Variants in SUGCT observed in about 807,000 individuals in gnomAD.
SUGCT encodes the protein succinyl-CoA:glutarate-CoA transferase.
SUGCT carries 41 observed loss-of-function variants against 55.0 expected under a neutral mutation model. That is an observed-to-expected ratio of 0.74 (90% CI 0.58 to 0.97). The LOEUF (loss-of-function observed/expected upper bound fraction) is 0.97, where lower values mean the gene tolerates loss of function less well. Ranked by LOEUF, SUGCT falls within the 50% of genes least tolerant of loss-of-function variation. The pLI is 0.00. For missense variants in SUGCT, 568 were observed against 547.8 expected (o/e 1.04, Z -0.37); for synonymous variants, 187 against 200.4 (o/e 0.93, Z 0.56).
At position 40,250,994 on chromosome 7, in the gene SUGCT, G is replaced by T. The variant is rs188968484; in HGVS notation, c.576+13268G>T. 1.7e-3 allele frequency among the ~76,000 whole-genome samples: 246 copies of T among 146,602 alleles called. 1 individual carries two copies. Among genetic ancestry groups the T allele is most frequent in the African/African-American group, 5.8e-3 (237 of 41,156 alleles). On this transcript the variant is annotated intron_variant, in intron 7 of 13. Transcript: ENST00000335693. ...TGGGATTACAGGCCCCTGCCACTGCGCCTAATTTTTGTTTTAGTGGAGACG... is the reference window on the plus strand; with the variant it reads ...TGGGATTACAGGCCCCTGCCACTGCTCCTAATTTTTGTTTTAGTGGAGACG...
intron 7 of SUGCT, among the ~76,000 whole-genome samples, chr7:40,252,088 T>A (rs1401971255): frequency 6.6e-6 from 1 of 152,184 alleles, no homozygotes; most frequent in Non-Finnish European, 1.5e-5. Flanking sequence ...AACATTTTAT[T>A]TGTTAAAATT....
the SUGCT span, among the ~76,000 whole-genome samples, chr7:40,928,756 T>C: frequency 2.6e-5 from 4 of 151,886 alleles, no homozygotes; most frequent in Non-Finnish European, 5.9e-5. Context: ...CGCACCACCA[T>C]GACCAGCTAA....
intron 13 of SUGCT, among the ~76,000 whole-genome samples, chr7:40,767,698 A>G (rs1386698658): frequency 6.6e-6 from 1 of 152,236 alleles, no homozygotes; most frequent in Non-Finnish European, 1.5e-5. Flanking sequence ...GACAAAACAC[A>G]CAGAGATCGT....
At chr7:40,182,639 G>A (rs990176776) in intron 3 of SUGCT, among the ~76,000 whole-genome samples, 3 of 152,048 alleles carry the variant, frequency 2.0e-5, no homozygotes, top group African/African-American at 4.8e-5. Context: ...CTACAGTGCC[G>A]GGGCAAAGTT....
At chr7:40,605,045 C>T (rs896607611) in intron 12 of SUGCT, among the ~76,000 whole-genome samples, 6 of 152,320 alleles carry the variant, frequency 3.9e-5, no homozygotes, top group Middle Eastern at 3.4e-3. Flanking sequence ...GAGCAGCACA[C>T]GCGTCCGCCT....
intron 12 of SUGCT, among the ~76,000 whole-genome samples, chr7:40,730,167 G>A (rs189101668): frequency 2.6e-4 from 40 of 152,306 alleles, no homozygotes; most frequent in South Asian, 2.1e-3. Context: ...GAGTGCAATC[G>A]CATGATCTTG....
At chr7:40,956,802 A>G in the SUGCT span, among the ~76,000 whole-genome samples, 1 of 152,138 alleles carries the variant, frequency 6.6e-6, no homozygotes, top group Non-Finnish European at 1.5e-5. Flanking sequence ...TGTCCCAGAA[A>G]TTCTGGTACA....
chr7:40,482,261 C>G (rs1462390337), intron 11 of SUGCT, among the ~76,000 whole-genome samples: 2 of 152,106 alleles, frequency 1.3e-5, no homozygotes, highest in African/African-American at 2.4e-5. Context: ...TAGTAGGTAA[C>G]TATTTCTGGA....
At chr7:40,969,141 C>T in the SUGCT span, among the ~76,000 whole-genome samples, 8 of 152,332 alleles carry the variant, frequency 5.3e-5, no homozygotes, top group African/African-American at 7.2e-5. Flanking sequence ...CCACTGCTTC[C>T]GATTATTCCA....
chr7:40,473,914 A>T (rs1052204593), intron 11 of SUGCT, among the ~76,000 whole-genome samples: 1 of 151,978 alleles, frequency 6.6e-6, no homozygotes, highest in Non-Finnish European at 1.5e-5. Flanking sequence ...ATAGTGATTA[A>T]ATGTAAAATT....
chr7:40,966,722 T>C, the SUGCT span: 1 of 152,178 alleles, frequency 6.6e-6, no homozygotes, highest in African/African-American at 2.4e-5. Context: ...AAGAGTTGTC[T>C]AAAGGTTAAG....
chr7:40,473,623 T>A (rs1790511618), intron 11 of SUGCT, among the ~76,000 whole-genome samples: 1 of 151,782 alleles, frequency 6.6e-6, no homozygotes, highest in African/African-American at 2.4e-5. Flanking sequence ...GATCCACAAA[T>A]GCACTAGGAG....
chr7:40,475,494 G>A (rs1313771724), intron 11 of SUGCT, among the ~76,000 whole-genome samples: 1 of 152,126 alleles, frequency 6.6e-6, no homozygotes. Context: ...TTAAAACCAA[G>A]CAAAATAGAA....
At chr7:40,804,304 C>T (rs938558303) in intron 13 of SUGCT, among the ~76,000 whole-genome samples, 1 of 151,804 alleles carries the variant, frequency 6.6e-6, no homozygotes, top group African/African-American at 2.4e-5. Context: ...TTTATTTTTC[C>T]CTCTTCAGGT....
At chr7:40,863,769 T>C (rs1794533964), downstream of SUGCT, among the ~76,000 whole-genome samples, 1 of 152,138 alleles carries the variant, frequency 6.6e-6, no homozygotes, top group Non-Finnish European at 1.5e-5. Flanking sequence ...ATGGAATTCT[T>C]GAGGTACAAC....
intron 13 of SUGCT, among the ~76,000 whole-genome samples, chr7:40,765,623 T>C (rs1294863968): frequency 6.6e-6 from 1 of 152,218 alleles, no homozygotes; most frequent in Non-Finnish European, 1.5e-5. Context: ...TCTAAACCAA[T>C]ATAAATTGCC....
chr7:40,509,645 G>A (rs566093750), intron 12 of SUGCT, among the ~76,000 whole-genome samples: 1 of 152,090 alleles, frequency 6.6e-6, no homozygotes, highest in South Asian at 2.1e-4. Flanking sequence ...GAACTAAAAG[G>A]CTTCTCCTGG....
intron 7 of SUGCT, among the ~76,000 whole-genome samples, chr7:40,257,510 A>T (rs1386665963): frequency 6.6e-6 from 1 of 152,222 alleles, no homozygotes; most frequent in Non-Finnish European, 1.5e-5. Flanking sequence ...GCTTCTTTTT[A>T]AAAAGTAAAC....
At chr7:40,823,305 T>TGACC (rs1792123470) in intron 13 of SUGCT, among the ~76,000 whole-genome samples, 1 of 152,166 alleles carries the variant, frequency 6.6e-6, no homozygotes, top group Admixed American at 6.5e-5. Context: ...GTTCTGACAC[T>TGACC]GATAAATTGT....
Sources: gnomAD v4.1 joint callset for allele counts (sites outside exome capture counted in the v4.1 genomes callset) on GRCh38, gnomAD v4.1.1 for gene constraint, MANE v1.5 for transcripts, NCBI Gene and HGNC (gene_info 2026-07-23, HGNC 2026-07-21) for gene names.